Variants in GALNTL6 observed in about 807,000 individuals in gnomAD.
GALNTL6 encodes polypeptide N-acetylgalactosaminyltransferase-like 6.
A neutral mutation model predicts 73.7 loss-of-function variants in GALNTL6; 46 were observed. The ratio of observed to expected loss-of-function variants is 0.62; its 90% confidence interval spans 0.49 to 0.80. GALNTL6 has a LOEUF of 0.80. Among genes scored for constraint, GALNTL6 ranks in the 30% least tolerant of loss-of-function variants. GALNTL6 has a pLI of 0.00. For synonymous variants in GALNTL6, 259 were observed against 263.7 expected (o/e 0.98, Z 0.17); for missense variants, 604 against 755.0 (o/e 0.80, Z 2.34).
intron 4 of GALNTL6, among the ~76,000 whole-genome samples, chr4:172,346,933 A>G (rs1376962798): frequency 1.3e-5 from 2 of 149,340 alleles, no homozygotes; most frequent in Non-Finnish European, 3.0e-5. Context: ...TGGATTGTAT[A>G]TGACTCTGAA....
In GALNTL6 at chr4:173,040,281, G is replaced by A; in HGVS notation, c.*181G>A. The A allele has an allele frequency of 3.7e-6, 2 of 540,472 alleles. No individual in the cohort carries two copies. The highest frequency in any genetic ancestry group is 6.5e-6 in the Non-Finnish European group (2 of 309,548). 33.5% of individuals were successfully genotyped at this position (540,472 alleles called of 1,614,324 possible). On this transcript the variant is annotated 3_prime_UTR_variant, in exon 13 of 13. Transcript: ENST00000506823. ...CTTCCTGCATCTGAAGAACTTGGCT[G>A]AGAATCTCACCAGCTGCTTCTGAGA...
chr4:172,795,436 C>G (rs1051874827), intron 5 of GALNTL6, among the ~76,000 whole-genome samples: 5 of 152,164 alleles, frequency 3.3e-5, no homozygotes, highest in East Asian at 1.9e-4. Flanking sequence ...CAAAAAAGAA[C>G]CGAATTGATT....
chr4:172,973,357 A>G (rs1750666591), intron 10 of GALNTL6, among the ~76,000 whole-genome samples: 1 of 152,224 alleles, frequency 6.6e-6, no homozygotes, highest in Admixed American at 6.5e-5. Context: ...AACCAAAAGA[A>G]CAGCTAACTG....
chr4:172,333,706 T>C (rs528879923), intron 4 of GALNTL6, among the ~76,000 whole-genome samples: 8 of 152,332 alleles, frequency 5.3e-5, no homozygotes, highest in African/African-American at 1.9e-4. Context: ...CCCTCTTGTC[T>C]ATTCTTGGTT....
chr4:172,646,772 C>T (rs1304810538), intron 5 of GALNTL6, among the ~76,000 whole-genome samples: 10 of 151,932 alleles, frequency 6.6e-5, no homozygotes, highest in Admixed American at 6.6e-4. Flanking sequence ...CTGTGAAATA[C>T]TATGCTGATA....
intron 10 of GALNTL6, among the ~76,000 whole-genome samples, chr4:173,007,766 A>T (rs1752367436): frequency 2.0e-5 from 3 of 152,046 alleles, no homozygotes; most frequent in African/African-American, 7.2e-5. Flanking sequence ...AGATTGCGCC[A>T]CTGCACTCCA....
chr4:172,690,963 A>T (rs944466286), intron 5 of GALNTL6, among the ~76,000 whole-genome samples: 1 of 152,216 alleles, frequency 6.6e-6, no homozygotes, highest in African/African-American at 2.4e-5. Flanking sequence ...TCTAAGAGAG[A>T]TGAGATCAAA....
intron 5 of GALNTL6, among the ~76,000 whole-genome samples, chr4:172,468,854 AC>A (rs1035232432): frequency 6.6e-6 from 1 of 152,024 alleles, no homozygotes; most frequent in African/African-American, 2.4e-5. Flanking sequence ...ACCCTTCTAC[AC>A]TCTTCTCTAA....
intron 3 of GALNTL6, among the ~76,000 whole-genome samples, chr4:172,298,770 A>T (rs906753645): frequency 6.6e-6 from 1 of 152,146 alleles, no homozygotes; most frequent in African/African-American, 2.4e-5. Flanking sequence ...TCGGTTTGCC[A>T]CTATTTTATT....
intron 3 of GALNTL6, among the ~76,000 whole-genome samples, chr4:172,296,467 T>C (rs1739677914): frequency 6.6e-6 from 1 of 152,172 alleles, no homozygotes; most frequent in East Asian, 1.9e-4. Flanking sequence ...ACCCGTTAAC[T>C]CATCATTTAA....
chr4:172,788,587 C>G (rs577862100), intron 5 of GALNTL6, among the ~76,000 whole-genome samples: 39 of 150,878 alleles, frequency 2.6e-4, no homozygotes, highest in Non-Finnish European at 4.3e-4. Context: ...CAGGAGAATG[C>G]CGTGAAACCG....
chr4:171,872,171 G>T (rs1002288767), intron 2 of GALNTL6, among the ~76,000 whole-genome samples: 2 of 152,108 alleles, frequency 1.3e-5, no homozygotes, highest in African/African-American at 4.8e-5. Context: ...GTGTGTTGGA[G>T]AAACATTTTT....
intron 2 of GALNTL6, among the ~76,000 whole-genome samples, chr4:172,003,886 A>G (rs1740751289): frequency 6.6e-6 from 1 of 152,118 alleles, no homozygotes; most frequent in African/African-American, 2.4e-5. Flanking sequence ...ACAAACCAAA[A>G]TAATCTAAAT....
chr4:172,158,021 T>G (rs886413274), intron 2 of GALNTL6, among the ~76,000 whole-genome samples: 1 of 152,202 alleles, frequency 6.6e-6, no homozygotes, highest in Admixed American at 6.5e-5. Flanking sequence ...GGAATGATCT[T>G]GGCCATTTGT....
chr4:172,313,312 G>C (rs983540937), intron 4 of GALNTL6, among the ~76,000 whole-genome samples: 6 of 151,916 alleles, frequency 3.9e-5, no homozygotes. Context: ...TTTTAATAGA[G>C]ACGGGATTTC....
chr4:172,215,136 G>A (rs1736455404), intron 2 of GALNTL6, among the ~76,000 whole-genome samples: 1 of 151,866 alleles, frequency 6.6e-6, no homozygotes, highest in Non-Finnish European at 1.5e-5. Flanking sequence ...TTATTTGTAT[G>A]ATTTCTATTC....
At chr4:172,154,093 A>G (rs1734180104) in intron 2 of GALNTL6, among the ~76,000 whole-genome samples, 1 of 149,912 alleles carries the variant, frequency 6.7e-6, no homozygotes, top group African/African-American at 2.4e-5. Flanking sequence ...TTAGGAAATT[A>G]CTACTCACTG....
intron 9 of GALNTL6, among the ~76,000 whole-genome samples, chr4:172,934,392 T>A (rs1375466506): frequency 6.6e-6 from 1 of 151,988 alleles, no homozygotes; most frequent in Non-Finnish European, 1.5e-5. Context: ...CTTAATAACA[T>A]CTTTTTATGC....
intron 8 of GALNTL6, 25 bp from the exon 9 acceptor site, chr4:172,931,135 CT>C: frequency 8.1e-7 from 1 of 1,241,984 alleles, no homozygotes; most frequent in South Asian, 1.2e-5. Flanking sequence ...TCACTGTTGT[CT>C]TTTGTTCTAT....
Sources: allele counts gnomAD v4.1 joint callset (sites outside exome capture counted in the v4.1 genomes callset), GRCh38; gene constraint gnomAD v4.1.1; transcripts MANE v1.5; gene names NCBI Gene and HGNC (gene_info 2026-07-23, HGNC 2026-07-21).